WNK3: variants seen among roughly 807,000 people sequenced by gnomAD.
The protein encoded by WNK3 is serine/threonine-protein kinase WNK3.
In WNK3, 18 loss-of-function variants were observed where a neutral mutation model predicts 116.7. The ratio of observed to expected loss-of-function variants is 0.15; its 90% confidence interval spans 0.11 to 0.23. The LOEUF is 0.23. WNK3 is among the 10% of genes least tolerant of loss of function. The pLI is 1.00. For missense variants in WNK3, 993 were observed against 1,323.8 expected (o/e 0.75, Z 3.88); for synonymous variants, 404 against 469.4 (o/e 0.86, Z 1.80).
chrX:54,213,469 G>A (rs1338545194), intron 22 of WNK3, among the ~76,000 whole-genome samples: 1 of 103,244 alleles, frequency 9.7e-6, no homozygotes, highest in Non-Finnish European at 1.9e-5. Flanking sequence ...CAGGAGAATC[G>A]CTTGAAACCG....
At chrX:54,257,261 TG>T (rs1244071095) in intron 11 of WNK3, among the ~76,000 whole-genome samples, 1 of 110,411 alleles carries the variant, frequency 9.1e-6, no homozygotes, top group African/African-American at 3.3e-5. Context: ...CCAGTGCCGC[TG>T]GTAGGAGCCC....
chrX:54,269,321 A>G (rs2147009211), intron 10 of WNK3, among the ~76,000 whole-genome samples: 1 of 112,109 alleles, frequency 8.9e-6, no homozygotes, highest in South Asian at 3.7e-4. Flanking sequence ...ATTATATGAA[A>G]AAACACTCAA....
exon 18 of WNK3, chrX:54,239,058 G>A (rs2073998923): frequency 8.4e-7 from 1 of 1,197,481 alleles, no homozygotes; most frequent in Non-Finnish European, 1.1e-6. Flanking sequence ...CAGCAGGATA[G>A]GCCTCTGGAT....
intron 13 of WNK3, 54 bp downstream of exon 13, chrX:54,253,905 G>A: frequency 1.2e-6 from 1 of 812,875 alleles, no homozygotes; most frequent in Non-Finnish European, 1.8e-6. Context: ...CAGAATTATA[G>A]GGGAAAAAAG....
chrX:54,212,719 G>A (rs1041260967), intron 22 of WNK3, among the ~76,000 whole-genome samples: 3 of 112,074 alleles, frequency 2.7e-5, no homozygotes, highest in East Asian at 5.6e-4. Flanking sequence ...TGGGAGCCAG[G>A]TTTCTCACTT....
chrX:54,232,694 T>G, intron 21 of WNK3, 115 bp downstream of exon 21: 1 of 621,294 alleles, frequency 1.6e-6, no homozygotes, highest in Non-Finnish European at 2.4e-6. Flanking sequence ...CAGAATAATG[T>G]GTACTTCTTT....
intron 8 of WNK3, among the ~76,000 whole-genome samples, 164 bp from the exon 9 acceptor site, chrX:54,293,491 G>T (rs2068663512): frequency 8.9e-6 from 1 of 111,764 alleles, no homozygotes; most frequent in Admixed American, 9.6e-5. Context: ...AAACCAGCAT[G>T]TAAACTCTTA....
At chrX:54,344,047 T>TA (rs782099247) in intron 1 of WNK3, among the ~76,000 whole-genome samples, 3 of 111,477 alleles carry the variant, frequency 2.7e-5, no homozygotes, top group Admixed American at 1.9e-4. Flanking sequence ...TGCAACTTAA[T>TA]AAAAAAAACT....
intron 2 of WNK3, among the ~76,000 whole-genome samples, chrX:54,317,671 G>T (rs974018822): frequency 1.9e-5 from 2 of 106,024 alleles, no homozygotes; most frequent in Non-Finnish European, 3.9e-5. Context: ...TCGCTCTGTC[G>T]CCCAGGCTGG....
chrX:54,312,473 C>A (rs1264033199), intron 2 of WNK3, among the ~76,000 whole-genome samples: 8 of 110,779 alleles, frequency 7.2e-5, no homozygotes, highest in Admixed American at 4.9e-4. Flanking sequence ...AGTCTCGCTC[C>A]ATTGCCCAGG....
chrX:54,283,596 C>T (rs1458104711), intron 10 of WNK3, among the ~76,000 whole-genome samples: 1 of 108,945 alleles, frequency 9.2e-6, no homozygotes, highest in Admixed American at 9.9e-5. Flanking sequence ...GGTGAAATCC[C>T]GTCTCTACTA....
upstream of WNK3, chrX:54,358,510 T>C (rs2069630645): frequency 9.0e-6 from 1 of 111,554 alleles, no homozygotes; most frequent in African/African-American, 3.3e-5. Flanking sequence ...ACTCCCTTTT[T>C]CCAACTCCCG....
chrX:54,350,703 T>C (rs1158479265), intron 1 of WNK3, among the ~76,000 whole-genome samples: 1 of 111,350 alleles, frequency 9.0e-6, no homozygotes, highest in Non-Finnish European at 1.9e-5. Flanking sequence ...ACTTGAGAAA[T>C]ATTCCTGCAT....
At chrX:54,281,526 A>G (rs1240467269) in intron 10 of WNK3, among the ~76,000 whole-genome samples, 4 of 111,530 alleles carry the variant, frequency 3.6e-5, no homozygotes, top group Admixed American at 2.9e-4. Context: ...TTGCATCCCT[A>G]GAACTTATTC....
At position 54,311,183 on chromosome X, in the gene WNK3, T is replaced by C. The variant is rs1445548658; in HGVS notation, c.646A>G (p.Ile216Val). 4 of 1,190,770 alleles carry C rather than the reference T, an allele frequency of 3.4e-6. No homozygotes were observed. Among genetic ancestry groups the C allele is most frequent in the Admixed American group, 4.4e-5 (2 of 44,971 alleles). ...ACAATACATTTCTTTCCTTTTAATA[T>C]AGATTCCCAGGAATCATAAAATCGA... is the stretch of plus-strand genomic sequence containing the variant. Residue 216 changes from isoleucine to valine, a missense_variant, in exon 3 of 24, where the codon ATA (isoleucine) becomes GTA (valine). Around this residue, in one of 4 missense-constraint regions of WNK3, gnomAD observed 28 missense variants for 161.7 expected, o/e 0.17. Transcript: ENST00000354646.
At chrX:54,221,725 C>T (rs1557146574) in intron 22 of WNK3, among the ~76,000 whole-genome samples, 1 of 110,719 alleles carries the variant, frequency 9.0e-6, no homozygotes. Context: ...ATCCCAGCTA[C>T]TCAGGTAGCT....
chrX:54,291,030 T>C (rs1255228911), intron 10 of WNK3, among the ~76,000 whole-genome samples: 1 of 111,753 alleles, frequency 8.9e-6, no homozygotes, highest in African/African-American at 3.2e-5. Context: ...CAATAAGTTG[T>C]TGGCCGGGCA....
At chrX:54,249,110 G>A (rs782022800) in exon 17 of WNK3, 1 of 1,211,612 alleles carries the variant, frequency 8.3e-7, no homozygotes, top group Non-Finnish European at 1.1e-6. Flanking sequence ...TCAAGGCCAG[G>A]GGTCTGAGTG....
chrX:54,344,336 C>G (rs1557176989), intron 1 of WNK3, among the ~76,000 whole-genome samples: 1 of 109,257 alleles, frequency 9.2e-6, no homozygotes, highest in Non-Finnish European at 1.9e-5. Flanking sequence ...CCAGCTACTC[C>G]GGAGGCTGAG....
Sources: allele counts gnomAD v4.1 joint callset (sites outside exome capture counted in the v4.1 genomes callset), GRCh38; gene constraint gnomAD v4.1.1; regional missense constraint gnomAD v4.1.1; transcripts MANE v1.5; gene names NCBI Gene and HGNC (gene_info 2026-07-23, HGNC 2026-07-21).